The following SEL1L variants were observed in gnomAD, a reference collection of about 807,000 sequenced individuals.
The protein encoded by SEL1L is SEL1L adaptor subunit of SYVN1 ubiquitin ligase.
A neutral mutation model predicts 109.8 loss-of-function variants in SEL1L; 52 were observed. The observed-to-expected ratio is 0.47, with a 90% CI of 0.38 to 0.60. The LOEUF (loss-of-function observed/expected upper bound fraction) is 0.60. Ranked by LOEUF, SEL1L falls within the 20% of genes least tolerant of loss-of-function variation. SEL1L has a pLI of 0.00. For synonymous variants in SEL1L, 373 were observed against 339.6 expected (o/e 1.10, Z -1.08); for missense variants, 749 against 962.2 (o/e 0.78, Z 2.93).
intron 20 of SEL1L, among the ~76,000 whole-genome samples, chr14:81,477,950 G>A (rs1903222484): frequency 6.6e-6 from 1 of 152,214 alleles, no homozygotes; most frequent in Admixed American, 6.5e-5. Context: ...CAATTCCCAT[G>A]TAATTGAAAA....
intron 3 of SEL1L, among the ~76,000 whole-genome samples, chr14:81,521,780 G>A (rs1299870356): frequency 6.6e-6 from 1 of 152,018 alleles, no homozygotes; most frequent in Non-Finnish European, 1.5e-5. Context: ...ACTTTAGCAT[G>A]TACTCCTACT....
chr14:81,487,935 T>A lies in SEL1L; in HGVS notation c.1403A>T (p.Asp468Val), dbSNP rs766499134. The A allele has an allele frequency of 6.2e-7, 1 of 1,613,236 alleles. No homozygotes were observed. The highest frequency in any genetic ancestry group is 2.2e-5 in the East Asian group (1 of 44,844). The change falls in exon 15 of 21, where the codon GAT becomes GTT. Residue 468 changes from aspartate (D) to valine (V), a missense_variant. Physicochemically the swap from Asp to Val is radical, Grantham distance 152. Coordinates refer to ENST00000336735, the MANE Select transcript of SEL1L (RefSeq NM_005065.6). ...LYGRGVQVNY[D>V]LALKYFQKAA... is the part of the protein sequence containing the mutation. ...TTTCTGGAAATACTTAAGGGCTAGA[T>A]CATAATTCTGTAGAAAAAGATGTCA...
In SEL1L at chr14:81,533,809, G is replaced by T; in HGVS notation, c.-65C>A. On this transcript the variant is annotated 5_prime_UTR_variant, in exon 1 of 21. The change creates a new upstream start codon in the 5' untranslated region. Coordinates refer to ENST00000336735, the MANE Select transcript of SEL1L (RefSeq NM_005065.6). ...CTTCGCCTCTGCCACCACGGACTCA[G>T]CCACCACCGCCGCCTCGCCGCTGCT... 6.8e-7 allele frequency: 1 copy of T among 1,476,390 alleles called. No individual in the cohort carries two copies. The highest frequency in any genetic ancestry group is 9.3e-7 in the Non-Finnish European group (1 of 1,070,532). The allele number at this position is 1,476,390 out of a possible 1,614,324, so 91.5% of individuals were successfully genotyped here. A position where few individuals can be genotyped will look rare whatever the true frequency, so the allele number is the denominator to read the frequency against.
At chr14:81,481,021 C>A (rs892756285) in intron 19 of SEL1L, among the ~76,000 whole-genome samples, 7 of 151,988 alleles carry the variant, frequency 4.6e-5, no homozygotes, top group African/African-American at 1.2e-4. Context: ...CAGGGGCTAC[C>A]ACCGGAAGAG....
At chr14:81,496,683 C>A (rs117827806) in intron 10 of SEL1L, among the ~76,000 whole-genome samples, 1 of 151,824 alleles carries the variant, frequency 6.6e-6, no homozygotes, top group Non-Finnish European at 1.5e-5. Context: ...GAGGTTGCAG[C>A]GAGCTGAGAT....
chr14:81,512,657 CCTAT>C (rs1884533349), intron 3 of SEL1L, among the ~76,000 whole-genome samples: 1 of 152,190 alleles, frequency 6.6e-6, no homozygotes, highest in Non-Finnish European at 1.5e-5. Context: ...TCCTGAACTG[CCTAT>C]CTGTGAGTTC....
At chr14:81,479,936 A>G (rs1187397208) in intron 19 of SEL1L, among the ~76,000 whole-genome samples, 196 bp from the exon 20 acceptor site, 1 of 152,224 alleles carries the variant, frequency 6.6e-6, no homozygotes, top group African/African-American at 2.4e-5. Context: ...GAAAAACTTA[A>G]TTAAAAAACT....
In SEL1L at chr14:81,489,526, G is replaced by T. The variant is rs1883462781; in HGVS notation, c.1333-212C>A. The stretch of plus-strand genomic sequence containing the variant: ...GCTTTGGGTAATTTGCTGAAAAAGA[G>T]TAAATAGTAAATTCATTTAGAATTA... On this transcript the variant is annotated intron_variant, in intron 13 of 20. Coordinates refer to ENST00000336735, the MANE Select transcript of SEL1L (RefSeq NM_005065.6). Among the ~76,000 whole-genome samples the T allele has an allele frequency of 2.0e-5, 3 of 152,170 alleles. No homozygotes were observed. In the East Asian group the frequency reaches 5.8e-4, roughly 29 times the overall value.
chr14:81,504,160 G>T, intron 5 of SEL1L, 41 bp downstream of exon 5: 1 of 1,225,100 alleles, frequency 8.2e-7, no homozygotes, highest in South Asian at 1.5e-5. Context: ...CTCAGTAATG[G>T]CCTGTCATGG....
intron 1 of SEL1L, 59 bp from the exon 2 acceptor site, chr14:81,527,797 T>TA (rs1446922681): frequency 8.5e-7 from 1 of 1,176,508 alleles, no homozygotes; most frequent in African/African-American, 1.5e-5. Flanking sequence ...TAGTTATTAT[T>TA]AAAAGAAAAC....
At chr14:81,502,520 CA>C (rs1884057313) in intron 6 of SEL1L, among the ~76,000 whole-genome samples, 200 bp downstream of exon 6, 1 of 152,138 alleles carries the variant, frequency 6.6e-6, no homozygotes, top group East Asian at 1.9e-4. Context: ...GGCACAACTG[CA>C]AAAATGTCTT....
intron 10 of SEL1L, among the ~76,000 whole-genome samples, chr14:81,495,509 C>T (rs749705384): frequency 1.3e-5 from 2 of 152,092 alleles, no homozygotes; most frequent in African/African-American, 2.4e-5. Context: ...TGGTAGCATA[C>T]GCCTGTAGTC....
intron 1 of SEL1L, 133 bp downstream of exon 1, chr14:81,533,542 G>A (rs1346412014): frequency 1.2e-6 from 1 of 818,154 alleles, no homozygotes; most frequent in East Asian, 2.7e-5. Flanking sequence ...AAGCCAAAGA[G>A]CGAGTGACAG....
chr14:81,520,015 A>G (rs1405895829), intron 3 of SEL1L, among the ~76,000 whole-genome samples: 1 of 152,164 alleles, frequency 6.6e-6, no homozygotes, highest in Non-Finnish European at 1.5e-5. Context: ...GCCTGTAAAC[A>G]GGGGAGTTAT....
At chr14:81,529,893 A>C (rs1458601880) in intron 1 of SEL1L, among the ~76,000 whole-genome samples, 1 of 152,250 alleles carries the variant, frequency 6.6e-6, no homozygotes, top group South Asian at 2.1e-4. Context: ...AGTTATGCAT[A>C]AATAAAAAGC....
At chr14:81,523,944 A>G (rs974467474) in intron 3 of SEL1L, among the ~76,000 whole-genome samples, 1 of 152,050 alleles carries the variant, frequency 6.6e-6, no homozygotes, top group Admixed American at 6.6e-5. Flanking sequence ...GCAAAACAAA[A>G]CAAATACAAA....
intron 19 of SEL1L, among the ~76,000 whole-genome samples, chr14:81,481,480 T>C (rs113383335): frequency 5.3e-5 from 8 of 152,328 alleles, no homozygotes; most frequent in African/African-American, 1.9e-4. Flanking sequence ...CAAATGGTTT[T>C]TTCGACTGCT....
rs766946458 is a variant in SEL1L, at chr14:81,486,356, C to T, written c.1731G>A (p.Gln577=). ...AGCCCTGTTCAGCCAGGAGGAGGTA[C>T]TGGATCACTGCAGCATTGTAATCGC... ...KDGDYNAAVI[Q]YLLLAEQGYE... The change falls in exon 17 of 21, where the codon CAG becomes CAA. Residue 577 remains glutamine (Q), a synonymous_variant. Coordinates refer to ENST00000336735, the MANE Select transcript of SEL1L (RefSeq NM_005065.6). 2.5e-6 allele frequency: 4 copies of T among 1,614,114 alleles called. No homozygotes were observed. Among genetic ancestry groups the T allele is most frequent in the Non-Finnish European group, 2.5e-6 (3 of 1,180,016 alleles).
At chr14:81,485,850 A>T in intron 17 of SEL1L, 104 bp from the exon 18 acceptor site, 1 of 894,968 alleles carries the variant, frequency 1.1e-6, no homozygotes, top group Non-Finnish European at 1.8e-6. Flanking sequence ...AAGTTAAACA[A>T]GAATTAGGAT....
Sources: allele counts gnomAD v4.1 joint callset (sites outside exome capture counted in the v4.1 genomes callset), GRCh38; gene constraint gnomAD v4.1.1; transcripts MANE v1.5; gene names NCBI Gene and HGNC (gene_info 2026-07-23, HGNC 2026-07-21).